Variants in LRRC46 observed in about 807,000 individuals in gnomAD.
The protein encoded by LRRC46 is leucine rich repeat containing 46.
Under a neutral mutation model 28.0 loss-of-function variants are expected in LRRC46, and 20 were observed. The ratio of observed to expected loss-of-function variants is 0.71; its 90% CI spans 0.50 to 1.04. The LOEUF is 1.04. Ranked by LOEUF, LRRC46 falls within the 50% of genes least tolerant of loss-of-function variation. The pLI, the probability that LRRC46 is intolerant of heterozygous loss-of-function variation, is 0.00. For missense variants in LRRC46, 315 were observed against 390.1 expected (o/e 0.81, Z 1.62); for synonymous variants, 156 against 158.8 (o/e 0.98, Z 0.13).
In LRRC46 at chr17:47,836,743, C is replaced by T. The variant is rs2033702242; in HGVS notation, c.596-7C>T. 1 of 1,612,840 alleles carries T rather than the reference C, an allele frequency of 6.2e-7. No individual in the cohort carries two copies. Reference sequence around the variant, plus strand: ...ACCCTGTACCCTCCACCCCCGGCCCCTCCCAGGCTTCCTCAAGGAGCTGGA... The same window carrying T: ...ACCCTGTACCCTCCACCCCCGGCCCTTCCCAGGCTTCCTCAAGGAGCTGGA... On this transcript the variant is annotated splice_polypyrimidine_tract_variant and splice_region_variant and intron_variant, in intron 7 of 7. Transcript: ENST00000269025. This position sits in a 1 kb window ranked among gnomAD's most constrained non-coding sequence, Gnocchi z 5.8.
Position 47,831,999 on chromosome 17 carries a change from G to C in LRRC46, c.10G>C (p.Gly4Arg). Reference protein sequence around the residue: MSGGKSAQGPEEGG... With the variant: MSGRKSAQGPEEGG... Reference sequence around the variant, plus strand: ...CCTTTTATTTTAGATCATGTCTGGAGGTGAGTAGGGAGGTGGGACGGTGGG... The same window carrying C: ...CCTTTTATTTTAGATCATGTCTGGACGTGAGTAGGGAGGTGGGACGGTGGG... Residue 4 changes from glycine (G) to arginine (R), a missense_variant and splice_region_variant, in exon 1 of 8, where the codon GGG (glycine) becomes CGG (arginine). By Grantham distance (125) the Gly-to-Arg change is moderately radical. Transcript: ENST00000269025. The C allele has an allele frequency of 6.2e-7, 1 of 1,613,810 alleles. No individual in the cohort carries two copies. The highest frequency in any genetic ancestry group is 8.5e-7 in the Non-Finnish European group (1 of 1,180,032).
At chr17:47,832,293 T>C (rs187842396) in intron 2 of LRRC46, 88 bp downstream of exon 2, 9 of 900,414 alleles carry the variant, frequency 1.0e-5, no homozygotes, top group Middle Eastern at 3.6e-4. Flanking sequence ...TGTCAACTGA[T>C]CTTTGTTTCT....
At chr17:47,835,953 G>A (rs920263675) in intron 5 of LRRC46, 80 bp from the exon 6 acceptor site, 1 of 1,520,434 alleles carries the variant, frequency 6.6e-7, no homozygotes, top group Non-Finnish European at 9.1e-7. Context: ...GTGGGTATGA[G>A]AACCCCATTC....
rs369363985 is a variant in LRRC46, at chr17:47,836,740, C to A, written c.596-10C>A. The A allele has an allele frequency of 6.2e-7, 1 of 1,612,642 alleles. No homozygotes were observed. The highest frequency in any genetic ancestry group is 2.2e-5 in the East Asian group (1 of 44,850). On this transcript the variant is annotated splice_polypyrimidine_tract_variant and intron_variant, in intron 7 of 7. Transcript: ENST00000269025. This position sits in a 1 kb window ranked among gnomAD's most constrained non-coding sequence, Gnocchi z 5.8. ...CCCACCCTGTACCCTCCACCCCCGG[C>A]CCCTCCCAGGCTTCCTCAAGGAGCT...
intron 2 of LRRC46, 85 bp from the exon 3 acceptor site, chr17:47,834,340 C>A: frequency 3.0e-6 from 3 of 1,004,250 alleles, no homozygotes; most frequent in Non-Finnish European, 4.5e-6. Flanking sequence ...CCTTGAAACC[C>A]CTTCCCTCCT....
chr17:47,834,479 T>C lies in LRRC46; in HGVS notation c.171T>C (p.Thr57=), dbSNP rs1239583446. The C allele has an allele frequency of 6.2e-7, 1 of 1,613,962 alleles. No individual in the cohort carries two copies. ...TCCGCCTGGACCGGGAGGGGATTAC[T>C]ACTATCAGGAACTTAGAAGGCCTCC... ...QTVRLDREGI[T]TIRNLEGLQN... Residue 57 remains threonine (T), a synonymous_variant, in exon 3 of 8, where the codon ACT becomes ACC. Transcript: ENST00000269025.
intron 2 of LRRC46, among the ~76,000 whole-genome samples, chr17:47,833,457 T>TG (rs914924256): frequency 6.0e-5 from 9 of 149,710 alleles, no homozygotes; most frequent in Non-Finnish European, 1.3e-4. Context: ...TATTTTTTTT[T>TG]TTTTTTTTTG....
intron 2 of LRRC46, among the ~76,000 whole-genome samples, chr17:47,832,476 C>A (rs1567952686): frequency 6.6e-6 from 1 of 152,118 alleles, no homozygotes; most frequent in African/African-American, 2.4e-5. Context: ...TCACTTGAGC[C>A]CAGGAGTTTG....
In LRRC46 at chr17:47,836,205, C is replaced by T; in HGVS notation, c.452+103C>T. The T allele has an allele frequency of 6.4e-7, 1 of 1,571,706 alleles. No homozygotes were observed. Among genetic ancestry groups the T allele is most frequent in the Non-Finnish European group, 8.7e-7 (1 of 1,144,396 alleles). ...AAACCTGGGGTCCTGTCCATGACAC[C>T]TTCTCCCCCACCTCCTACCTAGCTC... On this transcript the variant is annotated intron_variant, in intron 6 of 7. Coordinates refer to ENST00000269025, the MANE Select transcript of LRRC46 (RefSeq NM_033413.4). The surrounding 1 kb of genome is among the most constrained non-coding windows in gnomAD (Gnocchi z 5.8).
intron 3 of LRRC46, chr17:47,835,009 T>C (rs1402770411): frequency 3.4e-6 from 1 of 293,186 alleles, no homozygotes; most frequent in African/African-American, 2.2e-5. Flanking sequence ...TGTATGCTCA[T>C]TGTTCTCTCT....
chr17:47,834,613 C>A, intron 3 of LRRC46, 80 bp downstream of exon 3: 1 of 851,604 alleles, frequency 1.2e-6, no homozygotes, highest in Non-Finnish European at 1.9e-6. Flanking sequence ...CCAACCAGGT[C>A]ATCCTGCCCA....
At chr17:47,835,816 G>A (rs767973644) in intron 5 of LRRC46, 41 bp downstream of exon 5, 9 of 1,553,478 alleles carry the variant, frequency 5.8e-6, no homozygotes, top group Non-Finnish European at 8.0e-6. Flanking sequence ...CACATCCCCT[G>A]TGGGGCCTGC....
intron 3 of LRRC46, 103 bp from the exon 4 acceptor site, chr17:47,835,250 C>A: frequency 1.7e-6 from 2 of 1,189,746 alleles, no homozygotes; most frequent in Non-Finnish European, 2.5e-6. Flanking sequence ...AGTGCCAGAT[C>A]TCCAGCTGCA....
Position 47,837,354 on chromosome 17 carries a change from T to G in LRRC46, c.*234T>G. 1 of 563,056 alleles carries G rather than the reference T, an allele frequency of 1.8e-6. No homozygotes were observed. Among genetic ancestry groups the G allele is most frequent in the Non-Finnish European group, 2.9e-6 (1 of 341,682 alleles). The allele number at this position is 563,056 out of a possible 1,614,324, so 34.9% of individuals were successfully genotyped here. A position where few individuals can be genotyped will look rare whatever the true frequency, so the allele number is the denominator to read the frequency against. ...AGCGAGTCTGGAATCTTTCGGGAGCTACCCACAGGGCAGGCATGCCTCAGG... is the reference window on the plus strand; with the variant it reads ...AGCGAGTCTGGAATCTTTCGGGAGCGACCCACAGGGCAGGCATGCCTCAGG... On this transcript the variant is annotated 3_prime_UTR_variant, in exon 8 of 8. Coordinates refer to ENST00000269025, the MANE Select transcript of LRRC46 (RefSeq NM_033413.4).
chr17:47,837,463 A>G lies in LRRC46; in HGVS notation c.*343A>G. 1 of 402,618 alleles carries G rather than the reference A, an allele frequency of 2.5e-6. No homozygotes were observed. The highest frequency in any genetic ancestry group is 4.4e-6 in the Non-Finnish European group (1 of 224,972). The allele number at this position is 402,618 out of a possible 1,614,324, so 24.9% of individuals were successfully genotyped here. A position where few individuals can be genotyped will look rare whatever the true frequency, so the allele number is the denominator to read the frequency against. On this transcript the variant is annotated 3_prime_UTR_variant, in exon 8 of 8. Coordinates refer to ENST00000269025, the MANE Select transcript of LRRC46 (RefSeq NM_033413.4). ...GGCATGCCATCTCACTGCCACCCCT[A>G]GCGAGTGCCCTTCCCCGGTCCAAGC...
At chr17:47,833,840 T>C in intron 2 of LRRC46, 1 of 721,772 alleles carries the variant, frequency 1.4e-6, no homozygotes, top group African/African-American at 1.9e-5. Flanking sequence ...AGCCTCGACC[T>C]CCTGGGCTCG....
intron 3 of LRRC46, 84 bp downstream of exon 3, chr17:47,834,617 C>A: frequency 1.2e-6 from 1 of 830,862 alleles, no homozygotes; most frequent in Non-Finnish European, 2.0e-6. Flanking sequence ...CCAGGTCATC[C>A]TGCCCATTCC....
In LRRC46 at chr17:47,832,182, A is replaced by T; in HGVS notation, c.93A>T (p.Glu31Asp). The T allele has an allele frequency of 6.3e-7, 1 of 1,599,570 alleles. No individual in the cohort carries two copies. Among genetic ancestry groups the T allele is most frequent in the South Asian group, 1.1e-5 (1 of 89,456 alleles). ...LITKRNLTFPEDGELSEKMFH... is the reference protein window; with the variant it reads ...LITKRNLTFPDDGELSEKMFH... ...CTAAGCGGAACTTGACTTTCCCTGAAGATGGGGAACTGTCAGAGAAGATGT... is the reference window on the plus strand; with the variant it reads ...CTAAGCGGAACTTGACTTTCCCTGATGATGGGGAACTGTCAGAGAAGATGT... The change falls in exon 2 of 8, where the codon GAA (glutamate) becomes GAT (aspartate). Residue 31 changes from glutamate to aspartate, a missense_variant. By Grantham distance (45) the Glu-to-Asp change is conservative. Transcript: ENST00000269025.
In LRRC46 at chr17:47,836,104, T is replaced by C. The variant is rs2033692398; in HGVS notation, c.452+2T>C. 2 of 1,613,934 alleles carry C rather than the reference T, an allele frequency of 1.2e-6. No individual in the cohort carries two copies. Among genetic ancestry groups the C allele is most frequent in the Non-Finnish European group, 1.7e-6 (2 of 1,179,976 alleles). On this transcript the variant is annotated splice_donor_variant, in intron 6 of 7. Transcript: ENST00000269025. LOFTEE classifies it high-confidence loss of function. The surrounding 1 kb of genome is among the most constrained non-coding windows in gnomAD (Gnocchi z 5.8). ...CTGCACCAACCAGGATGGCTACCGG[T>C]AAGGAGTGGAGGGTGGGAAGAAAGG...
Sources: allele counts gnomAD v4.1 joint callset (sites outside exome capture counted in the v4.1 genomes callset), GRCh38; gene constraint gnomAD v4.1.1; non-coding constraint Gnocchi (gnomAD v3.1); transcripts MANE v1.5; gene names NCBI Gene and HGNC (gene_info 2026-07-23, HGNC 2026-07-21).